Variants in IPO11 observed in about 807,000 individuals in gnomAD.
The protein encoded by IPO11 is importin-11.
Under a neutral mutation model 143.2 loss-of-function variants are expected in IPO11, and 66 were observed. The ratio of observed to expected loss-of-function variants is 0.46; its 90% CI spans 0.38 to 0.57. The LOEUF is 0.57. Among genes scored for constraint, IPO11 ranks in the 20% least tolerant of loss-of-function variants. The pLI, the probability that IPO11 is intolerant of heterozygous loss-of-function variation, is 0.00. For synonymous variants in IPO11, 385 were observed against 377.8 expected (o/e 1.02, Z -0.22); for missense variants, 1,026 against 1,141.0 (o/e 0.90, Z 1.45).
At chr5:62,506,211 CT>C in intron 18 of IPO11, 29 bp from the exon 19 acceptor site, 3 of 1,261,306 alleles carry the variant, frequency 2.4e-6, no homozygotes, top group South Asian at 1.3e-5. Context: ...TATTATAAAC[CT>C]TTTTTATTTT....
At chr5:62,516,513 C>G (rs953067695) in intron 20 of IPO11, among the ~76,000 whole-genome samples, 1 of 151,994 alleles carries the variant, frequency 6.6e-6, no homozygotes, top group Non-Finnish European at 1.5e-5. Context: ...AGGCTGGTCT[C>G]AAACTCCTGA....
Position 62,417,321 on chromosome 5 carries a change from A to ATTTTTTT in IPO11, c.-7+4412_-7+4418dup, listed in dbSNP as rs34767317. Among the ~76,000 whole-genome samples the ATTTTTTT allele has an allele frequency of 5.0e-4, 33 of 65,350 alleles. 2 individuals carry two copies. The highest frequency in any genetic ancestry group is 2.0e-3 in the African/African-American group (32 of 15,728). The allele number at this position is 65,350 out of a possible 152,430, so 42.9% of individuals were successfully genotyped here. ...ATTTTCTTCACCTCCTTATTGGTTA[A>ATTTTTTT]TTTTTTTTTTTTTTTTTTTTTTTTT... On this transcript the variant is annotated intron_variant, in intron 1 of 29. Coordinates refer to ENST00000325324, the MANE Select transcript of IPO11 (RefSeq NM_016338.5).
intron 27 of IPO11, among the ~76,000 whole-genome samples, chr5:62,564,657 C>T (rs1401755570): frequency 6.6e-6 from 1 of 152,096 alleles, no homozygotes; most frequent in Non-Finnish European, 1.5e-5. Flanking sequence ...TACCGGATGT[C>T]AGTTGCACTC....
chr5:62,424,034 T>G (rs1288757797), intron 1 of IPO11, among the ~76,000 whole-genome samples: 1 of 152,166 alleles, frequency 6.6e-6, no homozygotes, highest in East Asian at 1.9e-4. Flanking sequence ...TGATTTTTTT[T>G]CTGAGACATG....
intron 15 of IPO11, among the ~76,000 whole-genome samples, chr5:62,491,965 T>G (rs1331883988): frequency 6.6e-6 from 1 of 152,158 alleles, no homozygotes; most frequent in Non-Finnish European, 1.5e-5. Flanking sequence ...TCTTATAATG[T>G]GGGTACTAAA....
rs535637373 is a variant in IPO11, at chr5:62,610,722, A to C, written c.2763+8874A>C. ...CCTACCTGCTACCATTGCACAACTA[A>C]ATATATAATGGCAATAGAACTAGCA... On this transcript the variant is annotated intron_variant, in intron 29 of 29. Transcript: ENST00000325324. Among the ~76,000 whole-genome samples, 89 of 152,332 alleles carry C rather than the reference A, an allele frequency of 5.8e-4. 1 individual carries two copies. The highest frequency in any genetic ancestry group is 1.9e-3 in the African/African-American group (80 of 41,582).
chr5:62,491,482 T>C (rs1746605568), intron 15 of IPO11, among the ~76,000 whole-genome samples: 1 of 152,172 alleles, frequency 6.6e-6, no homozygotes, highest in Admixed American at 6.5e-5. Flanking sequence ...AGACCTTCAC[T>C]GTCCAGTGCA....
At chr5:62,468,042 G>A (rs1188119608) in intron 6 of IPO11, among the ~76,000 whole-genome samples, 2 of 151,924 alleles carry the variant, frequency 1.3e-5, no homozygotes, top group African/African-American at 2.4e-5. Context: ...TGAACTCCTG[G>A]GCTCAAGTGA....
Position 62,527,036 on chromosome 5 carries a change from A to G in IPO11, c.2012+779A>G, listed in dbSNP as rs536826979. On this transcript the variant is annotated intron_variant, in intron 21 of 29. Transcript: ENST00000325324. ...CTAGAATTTAACAGTTTTGGTTCTTAGAAATTACTTTGGTGCAAATTATAA... is the reference window on the plus strand; with the variant it reads ...CTAGAATTTAACAGTTTTGGTTCTTGGAAATTACTTTGGTGCAAATTATAA... 4.1e-4 allele frequency among the ~76,000 whole-genome samples: 62 copies of G among 150,044 alleles called. 2 individuals are homozygous for G. Among genetic ancestry groups the G allele is most frequent in the African/African-American group, 1.5e-3 (61 of 41,170 alleles).
intron 26 of IPO11, 109 bp downstream of exon 26, chr5:62,551,445 C>T: frequency 3.4e-6 from 2 of 579,740 alleles, no homozygotes; most frequent in Non-Finnish European, 6.0e-6. Context: ...GTATTTAGAC[C>T]TTTACATTTT....
intron 29 of IPO11, among the ~76,000 whole-genome samples, chr5:62,620,175 A>G (rs1746294270): frequency 6.6e-6 from 1 of 152,132 alleles, no homozygotes; most frequent in Non-Finnish European, 1.5e-5. Flanking sequence ...GTTGGGATAC[A>G]TCTTGGTTTT....
intron 27 of IPO11, among the ~76,000 whole-genome samples, chr5:62,586,763 AAAAAAATATATAT>A (rs1201135219): frequency 3.3e-5 from 3 of 90,566 alleles, no homozygotes; most frequent in Non-Finnish European, 4.5e-5. Flanking sequence ...AAAAAAAAAA[AAAAAAATATATAT>A]ATATATATAT....
chr5:62,418,989 A>G (rs770621702), intron 1 of IPO11: 26 of 1,545,940 alleles, frequency 1.7e-5, no homozygotes, highest in South Asian at 6.0e-5. Flanking sequence ...TTGTTGTTCT[A>G]TGAACATCAT....
At chr5:62,589,010 C>T (rs1384447276) in intron 27 of IPO11, among the ~76,000 whole-genome samples, 4 of 152,298 alleles carry the variant, frequency 2.6e-5, no homozygotes, top group East Asian at 1.9e-4. Context: ...CACTGTGTGC[C>T]TCCAAGGGAG....
At chr5:62,432,202 TC>T (rs1243986355) in intron 1 of IPO11, among the ~76,000 whole-genome samples, 2 of 152,176 alleles carry the variant, frequency 1.3e-5, no homozygotes, top group African/African-American at 4.8e-5. Flanking sequence ...ACTTTATTTA[TC>T]CTGGTGTGGT....
chr5:62,463,570 T>G (rs1405248355), intron 5 of IPO11, among the ~76,000 whole-genome samples: 1 of 150,828 alleles, frequency 6.6e-6, no homozygotes, highest in Non-Finnish European at 1.5e-5. Context: ...ACTCAGGAGG[T>G]TGAGGTGAGG....
chr5:62,460,110 TA>T (rs1745303254), intron 5 of IPO11, among the ~76,000 whole-genome samples: 1 of 150,438 alleles, frequency 6.6e-6, no homozygotes, highest in Non-Finnish European at 1.5e-5. Context: ...TGTGAAAAGA[TA>T]GATTTATTTT....
chr5:62,548,089 C>A (rs938271409), intron 24 of IPO11, among the ~76,000 whole-genome samples: 19 of 144,284 alleles, frequency 1.3e-4, no homozygotes, highest in African/African-American at 5.6e-4. Flanking sequence ...TGCCTTTGCA[C>A]TTCCTCTGTG....
At position 62,579,399 on chromosome 5, in the gene IPO11, A is replaced by G. The variant is rs762034505; in HGVS notation, c.2583-12178A>G. The G allele has an allele frequency of 3.2e-5, 49 of 1,536,804 alleles. No homozygotes were observed. The Middle Eastern group carries it at 6.7e-4, about 21-fold the overall frequency. ...TTAAAGCTTTACCTTCTCTTTTTAT[A>G]GCCAATTCTGATCTGAACAGAAAAT... On this transcript the variant is annotated intron_variant, in intron 27 of 29. Coordinates refer to ENST00000325324, the MANE Select transcript of IPO11 (RefSeq NM_016338.5).
Sources: gnomAD v4.1 joint callset for allele counts (sites outside exome capture counted in the v4.1 genomes callset) on GRCh38, gnomAD v4.1.1 for gene constraint, MANE v1.5 for transcripts, NCBI Gene and HGNC (gene_info 2026-07-23, HGNC 2026-07-21) for gene names.